Variants in KDM5A observed in about 807,000 individuals in gnomAD.
KDM5A encodes the protein lysine-specific demethylase 5A.
A neutral mutation model predicts 193.5 loss-of-function variants in KDM5A; 42 were observed. The observed-to-expected ratio is 0.22, with a 90% confidence interval of 0.17 to 0.28. The LOEUF is 0.28. Among genes scored for constraint, KDM5A ranks in the 10% least tolerant of loss-of-function variants. KDM5A has a pLI of 1.00. For missense variants in KDM5A, 1,692 were observed against 2,055.1 expected, an observed-to-expected ratio of 0.82 and a Z score of 3.42; for synonymous variants, 796 against 718.1, an observed-to-expected ratio of 1.11 and a Z score of -1.73.
intron 10 of KDM5A, among the ~76,000 whole-genome samples, chr12:346,310 T>C (rs904297851): frequency 1.3e-5 from 2 of 152,162 alleles, no homozygotes; most frequent in Non-Finnish European, 1.5e-5. Flanking sequence ...CCAGATGGAT[T>C]CACAGCCAAA....
chr12:284,232 A>G lies in KDM5A; in HGVS notation c.*1224T>C, dbSNP rs1044446662. 5 of 223,122 alleles carry G rather than the reference A, an allele frequency of 2.2e-5. No individual in the cohort carries two copies. Among genetic ancestry groups the G allele is most frequent in the Admixed American group, 5.7e-5 (1 of 17,400 alleles). The allele number at this position is 223,122 out of a possible 1,614,324, so 13.8% of individuals were successfully genotyped here. On this transcript the variant is annotated 3_prime_UTR_variant, in exon 28 of 28. Transcript: ENST00000399788. Reference sequence around the variant, plus strand: ...GGTAACAGTAAATATATATATTTATATATTCATATATGTATATTAAAAAAG... The same window carrying G: ...GGTAACAGTAAATATATATATTTATGTATTCATATATGTATATTAAAAAAG...
chr12:350,455 T>C (rs539177073), intron 10 of KDM5A, among the ~76,000 whole-genome samples, 166 bp downstream of exon 10: 3 of 148,650 alleles, frequency 2.0e-5, no homozygotes, highest in African/African-American at 7.5e-5. Flanking sequence ...AAGAGTTAAA[T>C]AATTTTTCAA....
At chr12:337,068 C>A (rs1009910575) in intron 10 of KDM5A, among the ~76,000 whole-genome samples, 3 of 152,146 alleles carry the variant, frequency 2.0e-5, no homozygotes, top group African/African-American at 7.2e-5. Context: ...TTCCCCCTTG[C>A]TGTTCTCACA....
intron 24 of KDM5A, among the ~76,000 whole-genome samples, chr12:301,546 C>T (rs112485932): frequency 0.085 from 12,926 of 152,076 alleles, 572 homozygotes; most frequent in South Asian, 0.2. Context: ...ATAATAAGAG[C>T]TACTTACAAA....
intron 1 of KDM5A, chr12:388,166 G>C: frequency 7.7e-6 from 3 of 389,952 alleles, no homozygotes; most frequent in South Asian, 5.4e-5. Flanking sequence ...CTTTGACCTT[G>C]AGTAATCACT....
rs867834058 is a variant in KDM5A at position 293,791 on chromosome 12, G to A, written c.4456-622C>T. Among the ~76,000 whole-genome samples the A allele has an allele frequency of 3.9e-3, 456 of 118,140 alleles. 7 individuals carry two copies. The highest frequency in any genetic ancestry group is 0.015 in the East Asian group (25 of 1,698). 77.5% of individuals were successfully genotyped at this position (118,140 alleles called of 152,430 possible). On this transcript the variant is annotated intron_variant, in intron 26 of 27. Transcript: ENST00000399788. The stretch of plus-strand genomic sequence containing the variant: ...AAGACTCCATCTCAAAAAAAAAAGG[G>A]GGGGGGGGGGATTTATGTTATTCTA...
chr12:300,495 G>A (rs1489630508), intron 24 of KDM5A, among the ~76,000 whole-genome samples: 1 of 152,156 alleles, frequency 6.6e-6, no homozygotes, highest in African/African-American at 2.4e-5. Context: ...TGAGAACAAA[G>A]ACACAACATA....
In KDM5A at chr12:307,123, G is replaced by C. The variant is rs754099610; in HGVS notation, c.3931-34C>G. 6.2e-7 allele frequency: 1 copy of C among 1,613,454 alleles called. No homozygotes were observed. Among genetic ancestry groups the C allele is most frequent in the Non-Finnish European group, 8.5e-7 (1 of 1,179,552 alleles). On this transcript the variant is annotated intron_variant, in intron 23 of 27. Coordinates refer to ENST00000399788, the MANE Select transcript of KDM5A (RefSeq NM_001042603.3). This position sits in a 1 kb window ranked among gnomAD's most constrained non-coding sequence, Gnocchi z 4.3. ...CAAATAATTCCAAGATGAACAGCAA[G>C]ACATGCTAAACAGACAGGGTAATTA...
At position 285,604 on chromosome 12, in the gene KDM5A, C is replaced by T; in HGVS notation, c.4925G>A (p.Gly1642Asp). The change falls in exon 28 of 28, where the codon GGT becomes GAT. Residue 1642 changes from glycine to aspartate, a missense_variant. Gly to Asp is a moderately conservative substitution (Grantham distance 94, BLOSUM62 -1). Coordinates refer to ENST00000399788, the MANE Select transcript of KDM5A (RefSeq NM_001042603.3). ...ATTTTCAGCCATTTCTGGAGATACA[C>T]CCACACAAACTTGATGAAACCACTC... ...CDEWFHQVCV[G>D]VSPEMAENED... The T allele has an allele frequency of 6.2e-7, 1 of 1,614,032 alleles. No homozygotes were observed.
At chr12:373,703 T>C (rs1203938385) in intron 3 of KDM5A, among the ~76,000 whole-genome samples, 1 of 152,248 alleles carries the variant, frequency 6.6e-6, no homozygotes, top group Non-Finnish European at 1.5e-5. Context: ...TCCTGCTTTC[T>C]CTTGTGGGCA....
chr12:352,811 A>C (rs1005562877), intron 8 of KDM5A, among the ~76,000 whole-genome samples: 1 of 152,112 alleles, frequency 6.6e-6, no homozygotes, highest in African/African-American at 2.4e-5. Context: ...ATACTCACTT[A>C]GAGTAGAACT....
At chr12:317,392 C>T (rs919272545) in intron 19 of KDM5A, among the ~76,000 whole-genome samples, 2 of 152,186 alleles carry the variant, frequency 1.3e-5, no homozygotes, top group African/African-American at 4.8e-5. Context: ...CCATGATCTT[C>T]CCCCTCTGAA....
chr12:310,371 C>T (rs1943568208), intron 21 of KDM5A, among the ~76,000 whole-genome samples: 2 of 152,160 alleles, frequency 1.3e-5, no homozygotes, highest in African/African-American at 4.8e-5. Flanking sequence ...TGGCTCACAC[C>T]TGTAATCCCA....
At chr12:290,956 A>G (rs1433492981) in intron 27 of KDM5A, among the ~76,000 whole-genome samples, 4 of 152,222 alleles carry the variant, frequency 2.6e-5, no homozygotes, top group African/African-American at 9.6e-5. Context: ...CCATAAAATT[A>G]AGGAAGAAAA....
chr12:358,996 T>TTA (rs1944261366), intron 5 of KDM5A, among the ~76,000 whole-genome samples: 1 of 149,302 alleles, frequency 6.7e-6, no homozygotes, highest in South Asian at 2.1e-4. Context: ...TAATAAAAAA[T>TTA]AAAAAAAAAC....
intron 5 of KDM5A, among the ~76,000 whole-genome samples, chr12:359,195 T>G (rs1944263771): frequency 6.6e-6 from 1 of 152,132 alleles, no homozygotes; most frequent in Non-Finnish European, 1.5e-5. Context: ...AGAGTGTGAA[T>G]GCAAAATATC....
chr12:327,390 T>C (rs924392313), intron 14 of KDM5A, among the ~76,000 whole-genome samples: 1 of 152,126 alleles, frequency 6.6e-6, no homozygotes, highest in Non-Finnish European at 1.5e-5. Flanking sequence ...TTTAAATAAA[T>C]ATATAATCAA....
intron 13 of KDM5A, among the ~76,000 whole-genome samples, chr12:331,271 A>T (rs563950014): frequency 6.6e-6 from 1 of 152,328 alleles, no homozygotes; most frequent in South Asian, 2.1e-4. Context: ...AGCAAAGGCT[A>T]AAAAAACTAC....
intron 4 of KDM5A, 21 bp downstream of exon 4, chr12:365,913 A>C (rs1293792473): frequency 6.2e-6 from 10 of 1,611,026 alleles, no homozygotes; most frequent in South Asian, 1.1e-5. Flanking sequence ...AACTTTTTCT[A>C]AAAAGAATAA....
Sources: allele counts gnomAD v4.1 joint callset (sites outside exome capture counted in the v4.1 genomes callset), GRCh38; gene constraint gnomAD v4.1.1; non-coding constraint Gnocchi (gnomAD v3.1); transcripts MANE v1.5; gene names NCBI Gene and HGNC (gene_info 2026-07-23, HGNC 2026-07-21).